The following RBMS3 variants were observed in gnomAD, a reference collection of about 807,000 sequenced individuals.
RBMS3 encodes RNA binding motif single stranded interacting protein 3.
RBMS3 carries 27 observed loss-of-function variants against 66.8 expected under a neutral mutation model. The ratio of observed to expected loss-of-function variants is 0.40; its 90% CI spans 0.30 to 0.56. The LOEUF (loss-of-function observed/expected upper bound fraction) is 0.56. RBMS3 is among the 20% of genes least tolerant of loss of function. The probability of loss-of-function intolerance (pLI) is 0.40; values close to 1 mark genes in which losing one functional copy is unlikely to be tolerated. For synonymous variants in RBMS3, 188 were observed against 183.0 expected, an observed-to-expected ratio of 1.03 and a Z score of -0.22; for missense variants, 513 against 549.5, an observed-to-expected ratio of 0.93 and a Z score of 0.66.
At chr3:29,354,833 C>T (rs751684266) in intron 1 of RBMS3, among the ~76,000 whole-genome samples, 23 of 152,234 alleles carry the variant, frequency 1.5e-4, no homozygotes, top group Middle Eastern at 3.4e-3. Flanking sequence ...TTCATGGCCT[C>T]TGTCTCTCTG....
At chr3:29,781,981 A>T (rs2056647563) in intron 6 of RBMS3, among the ~76,000 whole-genome samples, 1 of 151,818 alleles carries the variant, frequency 6.6e-6, no homozygotes, top group Non-Finnish European at 1.5e-5. Flanking sequence ...AGCTGCAGCT[A>T]GTCTCACCCA....
At chr3:29,384,746 T>A (rs765005133) in intron 1 of RBMS3, among the ~76,000 whole-genome samples, 35 of 152,144 alleles carry the variant, frequency 2.3e-4, no homozygotes, top group Non-Finnish European at 3.4e-4. Flanking sequence ...GTAAAGCCAA[T>A]AAGTGGTTTC....
chr3:29,609,650 G>T (rs2048429159), intron 4 of RBMS3, among the ~76,000 whole-genome samples: 2 of 152,018 alleles, frequency 1.3e-5, no homozygotes, highest in South Asian at 4.1e-4. Context: ...GCCTCTTGTT[G>T]CCTCTGTGCC....
At chr3:29,958,206 C>T (rs1696174320) in intron 12 of RBMS3, among the ~76,000 whole-genome samples, 1 of 151,996 alleles carries the variant, frequency 6.6e-6, no homozygotes, top group Admixed American at 6.6e-5. Context: ...CTATTTTTTT[C>T]CTGACAGTCT....
In RBMS3 at chr3:29,723,150, T is replaced by G. The variant is rs558431985; in HGVS notation, c.400-16570T>G. Among the ~76,000 whole-genome samples, 6 of 151,344 alleles carry G rather than the reference T, an allele frequency of 4.0e-5. No individual in the cohort carries two copies. In the East Asian group the frequency reaches 7.8e-4, roughly 20 times the overall value. The stretch of plus-strand genomic sequence containing the variant: ...ATCCCCACGCCTGGCTAATTTTTTG[T>G]ATTTTTAGTAGAGATGGGGTTTCAC... On this transcript the variant is annotated intron_variant, in intron 4 of 14. Transcript: ENST00000383767.
chr3:29,657,584 AAT>A (rs1457478333), intron 4 of RBMS3, among the ~76,000 whole-genome samples: 1 of 152,210 alleles, frequency 6.6e-6, no homozygotes, highest in African/African-American at 2.4e-5. Flanking sequence ...GAAATCTAAA[AAT>A]ATGTTTGTTA....
chr3:29,961,490 C>G (rs749556450), intron 12 of RBMS3, among the ~76,000 whole-genome samples: 5 of 152,086 alleles, frequency 3.3e-5, no homozygotes, highest in Non-Finnish European at 5.9e-5. Flanking sequence ...TACACAGTAC[C>G]AATTTACTAT....
At chr3:29,725,680 A>G (rs1410198173) in intron 4 of RBMS3, among the ~76,000 whole-genome samples, 2 of 152,242 alleles carry the variant, frequency 1.3e-5, no homozygotes, top group Non-Finnish European at 1.5e-5. Context: ...ATACCTGAAT[A>G]GACCAATAAC....
rs368923260 is a variant in RBMS3 at position 29,798,929 on chromosome 3, GTT to G, written c.637+35958_637+35959del. On this transcript the variant is annotated intron_variant, in intron 6 of 14. Transcript: ENST00000383767. ...CAATTGTAATGATTTGTACCCTCTG[GTT>G]TTTTTTTTTTTTTTTTTGTAATCAC... is the stretch of plus-strand genomic sequence containing the variant. Among the ~76,000 whole-genome samples the G allele has an allele frequency of 3.3e-3, 419 of 127,640 alleles. 2 individuals are homozygous for G. The highest frequency in any genetic ancestry group is 0.012 in the East Asian group (50 of 4,346). The allele number at this position is 127,640 out of a possible 152,430, so 83.7% of individuals were successfully genotyped here. A position where few individuals can be genotyped will look rare whatever the true frequency, so the allele number is the denominator to read the frequency against.
At chr3:29,452,893 A>C (rs2042060423) in intron 2 of RBMS3, among the ~76,000 whole-genome samples, 1 of 152,192 alleles carries the variant, frequency 6.6e-6, no homozygotes, top group Admixed American at 6.5e-5. Flanking sequence ...TTGCATGCAA[A>C]ATTTTGAAAG....
At chr3:29,360,104 G>A (rs951037744) in intron 1 of RBMS3, among the ~76,000 whole-genome samples, 2 of 152,022 alleles carry the variant, frequency 1.3e-5, no homozygotes, top group South Asian at 4.1e-4. Flanking sequence ...GAATGTGTTT[G>A]CTCTTGTTTC....
intron 1 of RBMS3, among the ~76,000 whole-genome samples, chr3:29,384,435 T>TAAGAAGAAGAAGAAG (rs71628521): frequency 0.016 from 2,325 of 141,066 alleles, 20 homozygotes; most frequent in Non-Finnish European, 0.021. Flanking sequence ...ATAATAATAA[T>TAAGAAGAAGAAGAAG]AAGAAGAAGA....
intron 3 of RBMS3, among the ~76,000 whole-genome samples, chr3:29,503,180 A>G (rs1437697808): frequency 6.6e-6 from 1 of 152,100 alleles, no homozygotes; most frequent in Non-Finnish European, 1.5e-5. Context: ...TTATGTTTTG[A>G]ATTCATCCAG....
chr3:29,694,879 C>T (rs2052197378), intron 4 of RBMS3, among the ~76,000 whole-genome samples: 1 of 151,608 alleles, frequency 6.6e-6, no homozygotes. Flanking sequence ...AAATACAAGG[C>T]AGATTGTTTT....
intron 3 of RBMS3, among the ~76,000 whole-genome samples, chr3:29,495,880 A>G (rs2043729415): frequency 6.6e-6 from 1 of 152,166 alleles, no homozygotes; most frequent in South Asian, 2.1e-4. Flanking sequence ...TGAAATGTTT[A>G]AGTGGAACTA....
At chr3:29,313,998 G>T (rs1347991040) in intron 1 of RBMS3, among the ~76,000 whole-genome samples, 1 of 151,612 alleles carries the variant, frequency 6.6e-6, no homozygotes, top group Non-Finnish European at 1.5e-5. Context: ...ATCATCTTCT[G>T]GTTGCTTGGG....
chr3:29,388,577 A>AT (rs913494533), intron 1 of RBMS3, among the ~76,000 whole-genome samples: 1 of 151,868 alleles, frequency 6.6e-6, no homozygotes, highest in South Asian at 2.1e-4. Context: ...CACTGGCAAA[A>AT]TTTTTTTTCT....
intron 4 of RBMS3, among the ~76,000 whole-genome samples, chr3:29,660,057 T>A (rs1483958358): frequency 1.3e-5 from 2 of 152,226 alleles, no homozygotes; most frequent in Non-Finnish European, 2.9e-5. Context: ...TTGGTTAAAT[T>A]AATTCCTAAA....
intron 2 of RBMS3, among the ~76,000 whole-genome samples, chr3:29,470,986 A>G (rs1221233502): frequency 2.6e-5 from 4 of 152,182 alleles, no homozygotes; most frequent in African/African-American, 9.6e-5. Context: ...ATTTTCTAAC[A>G]GTACTAATAG....
Sources: allele counts gnomAD v4.1 joint callset (sites outside exome capture counted in the v4.1 genomes callset), GRCh38; gene constraint gnomAD v4.1.1; transcripts MANE v1.5; gene names NCBI Gene and HGNC (gene_info 2026-07-23, HGNC 2026-07-21).